DLG2: variants seen among roughly 807,000 people sequenced by gnomAD.
The protein encoded by DLG2 is discs large MAGUK scaffold protein 2.
In DLG2, 45 loss-of-function variants were observed where a neutral mutation model predicts 132.5. The ratio of observed to expected loss-of-function variants is 0.34; its 90% confidence interval spans 0.27 to 0.44. The LOEUF (loss-of-function observed/expected upper bound fraction) is 0.44. Among genes scored for constraint, DLG2 ranks in the 20% least tolerant of loss-of-function variants. The probability of loss-of-function intolerance (pLI) is 1.00; values close to 1 mark genes in which losing one functional copy is unlikely to be tolerated. For synonymous variants in DLG2, 424 were observed against 419.6 expected (o/e 1.01, Z -0.13); for missense variants, 1,045 against 1,196.9 (o/e 0.87, Z 1.87).
chr11:84,759,003 G>C (rs1319233912), intron 6 of DLG2, among the ~76,000 whole-genome samples: 1 of 152,080 alleles, frequency 6.6e-6, no homozygotes, highest in Non-Finnish European at 1.5e-5. Context: ...TCAGCCTCCT[G>C]AGTATCTGGA....
At chr11:85,049,552 G>A (rs1593238341) in intron 6 of DLG2, among the ~76,000 whole-genome samples, 1 of 152,068 alleles carries the variant, frequency 6.6e-6, no homozygotes, top group South Asian at 2.1e-4. Flanking sequence ...CTAGATGCCA[G>A]TAATTATCTG....
At chr11:85,159,693 G>T (rs1452122800) in intron 4 of DLG2, among the ~76,000 whole-genome samples, 2 of 152,208 alleles carry the variant, frequency 1.3e-5, no homozygotes, top group African/African-American at 4.8e-5. Flanking sequence ...TACCTGCTAT[G>T]CAGCCATTGG....
chr11:83,632,964 C>A, intron 19 of DLG2: 2 of 473,524 alleles, frequency 4.2e-6, no homozygotes, highest in Admixed American at 3.5e-5. Flanking sequence ...GCAACCTATG[C>A]TGAGCATTTT....
At chr11:84,294,035 G>A (rs1287349065) in intron 7 of DLG2, among the ~76,000 whole-genome samples, 1 of 152,058 alleles carries the variant, frequency 6.6e-6, no homozygotes, top group Non-Finnish European at 1.5e-5. Context: ...ACAGACTAGG[G>A]TATAAAGGTT....
chr11:85,521,083 C>T (rs1323822246), intron 3 of DLG2, among the ~76,000 whole-genome samples: 1 of 152,180 alleles, frequency 6.6e-6, no homozygotes, highest in Non-Finnish European at 1.5e-5. Flanking sequence ...AGACAACCAA[C>T]ATAATGGAGG....
At chr11:85,216,638 T>C (rs143639817) in intron 4 of DLG2, among the ~76,000 whole-genome samples, 23 of 152,302 alleles carry the variant, frequency 1.5e-4, no homozygotes, top group African/African-American at 4.8e-4. Flanking sequence ...TGAATATAAA[T>C]GTGAATCACA....
At chr11:84,324,275 TTC>T (rs1377748285) in intron 7 of DLG2, among the ~76,000 whole-genome samples, 2 of 152,164 alleles carry the variant, frequency 1.3e-5, no homozygotes, top group Non-Finnish European at 2.9e-5. Flanking sequence ...CATATGATTA[TTC>T]TGTTTCCCAA....
intron 6 of DLG2, among the ~76,000 whole-genome samples, chr11:84,646,252 T>C (rs970017376): frequency 2.0e-5 from 3 of 152,206 alleles, no homozygotes; most frequent in African/African-American, 7.2e-5. Flanking sequence ...ACAGGTTATT[T>C]AAATTCAAAT....
chr11:83,708,874 C>G lies in DLG2; in HGVS notation c.1826-75549G>C, dbSNP rs540621895. Among the ~76,000 whole-genome samples, 74 of 152,244 alleles carry G rather than the reference C, an allele frequency of 4.9e-4. No individual in the cohort carries two copies. The South Asian group carries it at 0.014, about 29-fold the overall frequency. On this transcript the variant is annotated intron_variant, in intron 18 of 27. Coordinates refer to ENST00000376104, the MANE Select transcript of DLG2 (RefSeq NM_001142699.3). ...TTCTCTTTGGATCATGAGAGAAAGA[C>G]TTGGATTGCATTCCAGCTCTGCCAC...
At chr11:84,579,537 A>T (rs1476267136) in intron 6 of DLG2, among the ~76,000 whole-genome samples, 1 of 152,174 alleles carries the variant, frequency 6.6e-6, no homozygotes, top group Non-Finnish European at 1.5e-5. Context: ...ATGTGCAAGG[A>T]CCCAGAAGCA....
chr11:85,511,023 C>T (rs1164271444), intron 3 of DLG2, among the ~76,000 whole-genome samples: 2 of 152,130 alleles, frequency 1.3e-5, no homozygotes, highest in African/African-American at 4.8e-5. Flanking sequence ...ACATATACAC[C>T]ATGGAATACT....
intron 9 of DLG2, among the ~76,000 whole-genome samples, chr11:84,112,349 C>CTTT (rs2093407642): frequency 1.7e-5 from 1 of 59,436 alleles, no homozygotes; most frequent in African/African-American, 5.0e-5. Flanking sequence ...TTTTTTTTTA[C>CTTT]CACTTTTATG....
intron 8 of DLG2, among the ~76,000 whole-genome samples, chr11:84,211,110 A>G (rs1416875500): frequency 6.6e-6 from 1 of 152,230 alleles, no homozygotes; most frequent in African/African-American, 2.4e-5. Context: ...TAACAGAAAT[A>G]TATGACATCT....
intron 7 of DLG2, among the ~76,000 whole-genome samples, chr11:84,528,711 G>A (rs1392341628): frequency 1.3e-5 from 2 of 152,200 alleles, no homozygotes; most frequent in Non-Finnish European, 2.9e-5. Context: ...AGGCAAAGAA[G>A]TTGAAAATAT....
intron 6 of DLG2, among the ~76,000 whole-genome samples, chr11:84,753,871 G>C (rs1268789456): frequency 2.0e-5 from 3 of 152,144 alleles, no homozygotes; most frequent in Non-Finnish European, 4.4e-5. Flanking sequence ...CACTGTACTA[G>C]AGACAAGTGA....
At chr11:85,016,909 T>C (rs1040598955) in intron 6 of DLG2, among the ~76,000 whole-genome samples, 2 of 152,132 alleles carry the variant, frequency 1.3e-5, no homozygotes, top group African/African-American at 2.4e-5. Context: ...CCTACTCTCT[T>C]CTGTTCTGCT....
chr11:85,084,417 T>G (rs1319771193), intron 6 of DLG2, among the ~76,000 whole-genome samples: 1 of 152,172 alleles, frequency 6.6e-6, no homozygotes, highest in Non-Finnish European at 1.5e-5. Flanking sequence ...CTTAGTAAAA[T>G]AGAAAGCATG....
rs189666824 is a variant in DLG2, at chr11:84,402,207, A to G, written c.519+132363T>C. Among the ~76,000 whole-genome samples, 322 of 152,328 alleles carry G rather than the reference A, an allele frequency of 2.1e-3. 3 individuals are homozygous for G. The highest frequency in any genetic ancestry group is 7.5e-3 in the African/African-American group (311 of 41,584). On this transcript the variant is annotated intron_variant, in intron 7 of 27. Transcript: ENST00000376104. ...GAAAGAAAAGCTTTATGTAGGCAGA[A>G]TAACTAAGAGGCATTATGTTAGCCT...
chr11:84,187,315 T>C (rs1158301039), intron 8 of DLG2, among the ~76,000 whole-genome samples: 1 of 151,904 alleles, frequency 6.6e-6, no homozygotes, highest in Admixed American at 6.6e-5. Flanking sequence ...AGAAGGTAAA[T>C]AAAATGTGGT....
Sources: gnomAD v4.1 joint callset for allele counts (sites outside exome capture counted in the v4.1 genomes callset) on GRCh38, gnomAD v4.1.1 for gene constraint, MANE v1.5 for transcripts, NCBI Gene and HGNC (gene_info 2026-07-23, HGNC 2026-07-21) for gene names.